The following MAPK12 variants were observed in gnomAD, a reference collection of about 807,000 sequenced individuals.
The protein encoded by MAPK12 is MAP kinase 12.
In MAPK12, 49 loss-of-function variants were observed where a neutral mutation model predicts 49.1. The ratio of observed to expected loss-of-function variants is 1.00; its 90% CI spans 0.79 to 1.27. The LOEUF is 1.27. MAPK12 is among the 50% of genes most tolerant of loss of function. The probability of loss-of-function intolerance (pLI) is 0.00; values close to 1 mark genes in which losing one functional copy is unlikely to be tolerated. For synonymous variants in MAPK12, 251 were observed against 209.7 expected, an observed-to-expected ratio of 1.20 and a Z score of -1.70; for missense variants, 554 against 502.4, an observed-to-expected ratio of 1.10 and a Z score of -0.98.
In MAPK12 at chr22:50,261,167, G is replaced by C. The variant is rs776817643; in HGVS notation, c.255C>G (p.Asn85Lys). 2.1e-5 allele frequency: 34 copies of C among 1,584,570 alleles called. 1 individual carries two copies. In the South Asian group the frequency reaches 3.8e-4, roughly 18 times the overall value. Residue 85 changes from asparagine (N) to lysine (K), a missense_variant and splice_region_variant, in exon 2 of 12, where the codon AAC (asparagine) becomes AAG (lysine). Asn to Lys is a moderately conservative substitution (Grantham distance 94). Transcript: ENST00000215659. ...LRLLKHMRHE[N>K]VIGLLDVFTP... ...CCCGGAGCGGGGCCGCGCGACTCAC[G>C]TTCTCGTGGCGCATGTGCTTGAGCA...
intron 7 of MAPK12, 83 bp downstream of exon 7, chr22:50,256,002 C>T: frequency 6.7e-7 from 1 of 1,501,612 alleles, no homozygotes; most frequent in Admixed American, 1.8e-5. Context: ...TCCCTGGGAG[C>T]AGCCACCACA....
In MAPK12 at chr22:50,259,681, G is replaced by A. The variant is rs182956062; in HGVS notation, c.256-1380C>T. Among the ~76,000 whole-genome samples the A allele has an allele frequency of 7.0e-4, 106 of 152,158 alleles. 2 individuals are homozygous for A. In the East Asian group the frequency reaches 9.1e-3, roughly 13 times the overall value. Reference sequence around the variant, plus strand: ...GCAGATCACTTGAGGTCAGGGGTTCGAGACCAGTCTGCCCAACATAGTGAA... The same window carrying A: ...GCAGATCACTTGAGGTCAGGGGTTCAAGACCAGTCTGCCCAACATAGTGAA... On this transcript the variant is annotated intron_variant, in intron 2 of 11. Transcript: ENST00000215659.
intron 9 of MAPK12, 36 bp downstream of exon 9, chr22:50,255,579 C>CCG: frequency 7.1e-7 from 1 of 1,408,084 alleles, no homozygotes; most frequent in Non-Finnish European, 9.9e-7. Context: ...CCCAGGTCCG[C>CCG]CCCCACCCCC....
At chr22:50,253,951 T>G in intron 11 of MAPK12, 1 of 166,842 alleles carries the variant, frequency 6.0e-6, no homozygotes, top group Non-Finnish European at 1.3e-5. Context: ...CCAGCCAGTG[T>G]GGAGGACCAA....
chr22:50,253,485 CG>C lies in MAPK12; in HGVS notation c.1025-6del. The C allele has an allele frequency of 1.1e-5, 1 of 94,148 alleles. No homozygotes were observed. The highest frequency in any genetic ancestry group is 1.5e-5 in the Non-Finnish European group (1 of 68,810). The allele number at this position is 94,148 out of a possible 1,614,324, so 5.8% of individuals were successfully genotyped here. On this transcript the variant is annotated splice_region_variant and splice_polypyrimidine_tract_variant and intron_variant, in intron 11 of 11. Transcript: ENST00000215659. Reference sequence around the variant, plus strand: ...GCACCTCTTTGTAAGTAACACCTGGCGGGGGTGGGGGGGCGGGCACAACAGA... The same window carrying C: ...GCACCTCTTTGTAAGTAACACCTGGCGGGGTGGGGGGGCGGGCACAACAGA...
At position 50,259,289 on chromosome 22, in the gene MAPK12, G is replaced by T. The variant is rs544979435; in HGVS notation, c.256-988C>A. ...GGGACTGTGGACATGAGAGCTGGAG[G>T]GTGCCCGGGAGAGTGCTTTAGCAGA... is the stretch of plus-strand genomic sequence containing the variant. On this transcript the variant is annotated intron_variant, in intron 2 of 11. Coordinates refer to ENST00000215659, the MANE Select transcript of MAPK12 (RefSeq NM_002969.6). Among the ~76,000 whole-genome samples, 3 of 152,114 alleles carry T rather than the reference G, an allele frequency of 2.0e-5. No individual in the cohort carries two copies. The South Asian group carries it at 6.2e-4, about 31-fold the overall frequency.
At chr22:50,257,259 G>C (rs2065160614) in intron 3 of MAPK12, 66 bp from the exon 4 acceptor site, 1 of 1,307,730 alleles carries the variant, frequency 7.6e-7, no homozygotes, top group African/African-American at 1.5e-5. Context: ...GACCCACCCA[G>C]CAGGCCCAGG....
Position 50,256,495 on chromosome 22 carries a change from G to A in MAPK12, c.504+104C>T. Reference sequence around the variant, plus strand: ...ACCAGCTCCTCAGCCACTGCCCAGAGCCTGGGACCTTGGCCCCCTGCCCAG... The same window carrying A: ...ACCAGCTCCTCAGCCACTGCCCAGAACCTGGGACCTTGGCCCCCTGCCCAG... On this transcript the variant is annotated intron_variant, in intron 6 of 11. Coordinates refer to ENST00000215659, the MANE Select transcript of MAPK12 (RefSeq NM_002969.6). The A allele has an allele frequency of 2.8e-6, 4 of 1,446,084 alleles. No individual in the cohort carries two copies. The East Asian group carries it at 6.9e-5, about 25-fold the overall frequency. 89.6% of individuals were successfully genotyped at this position (1,446,084 alleles called of 1,614,324 possible). A position where few individuals can be genotyped will look rare whatever the true frequency, so the allele number is the denominator to read the frequency against.
In MAPK12 at chr22:50,255,489, CCTT is replaced by C. The variant is rs756453855; in HGVS notation, c.811_813del (p.Lys271del). 73 of 1,613,062 alleles carry C rather than the reference CCTT, an allele frequency of 4.5e-5. 2 individuals are homozygous for C. In the South Asian group the frequency reaches 6.7e-4, roughly 15 times the overall value. ...GCATTGGTCAGGATAGAGGCAAAAT[CCTT>C]CTTCTCCAATTCGGGGAGGCCCTTC... On this transcript the variant is annotated inframe_deletion, in exon 10 of 12. Transcript: ENST00000215659.
chr22:50,255,124 CA>C (rs923459594), intron 11 of MAPK12, 72 bp downstream of exon 11: 2 of 1,517,766 alleles, frequency 1.3e-6, no homozygotes, highest in African/African-American at 3.1e-5. Context: ...CCCCAACTCA[CA>C]GGTCCACACA....
At chr22:50,260,523 G>C (rs768917954) in intron 2 of MAPK12, among the ~76,000 whole-genome samples, 1 of 152,272 alleles carries the variant, frequency 6.6e-6, no homozygotes, top group East Asian at 1.9e-4. Flanking sequence ...AGCTGTACGT[G>C]GCATCTCACT....
intron 6 of MAPK12, 92 bp from the exon 7 acceptor site, chr22:50,256,291 GAAGCTCCC>G (rs2065149869): frequency 3.2e-5 from 31 of 983,454 alleles, no homozygotes; most frequent in Non-Finnish European, 4.7e-5. Context: ...GGTTGGACTT[GAAGCTCCC>G]AAGCTGGGGC....
chr22:50,253,499 C>CGG lies in MAPK12; in HGVS notation c.1025-21_1025-20dup. 3.0e-6 allele frequency: 2 copies of CGG among 660,030 alleles called. No homozygotes were observed. The highest frequency in any genetic ancestry group is 4.1e-6 in the Non-Finnish European group (2 of 486,418). The allele number at this position is 660,030 out of a possible 1,614,324, so 40.9% of individuals were successfully genotyped here. A position where few individuals can be genotyped will look rare whatever the true frequency, so the allele number is the denominator to read the frequency against. On this transcript the variant is annotated intron_variant, in intron 11 of 11. Transcript: ENST00000215659. ...GTAACACCTGGCGGGGGTGGGGGGGCGGGCACAACAGAGAGGGGGGTCAGC... is the reference window on the plus strand; with the variant it reads ...GTAACACCTGGCGGGGGTGGGGGGGCGGGGGCACAACAGAGAGGGGGGTCAGC...
chr22:50,256,049 A>G lies in MAPK12; in HGVS notation c.619+36T>C, dbSNP rs1160346961. On this transcript the variant is annotated intron_variant, in intron 7 of 11. Transcript: ENST00000215659. Reference sequence around the variant, plus strand: ...GAAGAAGTGGAGAAGCAGATGGTGCAGCCTGAGAGGCCCAGATCTCTGGGC... The same window carrying G: ...GAAGAAGTGGAGAAGCAGATGGTGCGGCCTGAGAGGCCCAGATCTCTGGGC... 6.3e-6 allele frequency: 10 copies of G among 1,581,080 alleles called. No homozygotes were observed. The South Asian group carries it at 9.0e-5, about 14-fold the overall frequency.
intron 3 of MAPK12, 63 bp from the exon 4 acceptor site, chr22:50,257,256 C>A: frequency 2.3e-6 from 3 of 1,332,660 alleles, no homozygotes; most frequent in Admixed American, 3.5e-5. Flanking sequence ...AGAGACCCAC[C>A]CAGCAGGCCC....
intron 6 of MAPK12, 128 bp from the exon 7 acceptor site, chr22:50,256,327 G>A (rs2065150197): frequency 1.3e-6 from 1 of 770,908 alleles, no homozygotes; most frequent in African/African-American, 1.7e-5. Context: ...CAACCTTCAA[G>A]GACTTGAGGC....
chr22:50,255,583 C>CCCCCCCCCCCCCCACCCCCCCCCCCCCCT, intron 9 of MAPK12, 32 bp downstream of exon 9: 1 of 1,604,734 alleles, frequency 6.2e-7, no homozygotes, highest in East Asian at 2.2e-5. Context: ...GGTCCGCCCC[C>CCCCCCCCCCCCCCACCCCCCCCCCCCCCT]ACCCCCACCC....
chr22:50,261,179 C>A lies in MAPK12; in HGVS notation c.243G>T (p.Met81Ile), dbSNP rs1477889223. The A allele has an allele frequency of 1.9e-6, 3 of 1,591,130 alleles. No homozygotes were observed. Among genetic ancestry groups the A allele is most frequent in the African/African-American group, 2.7e-5 (2 of 73,180 alleles). Reference protein sequence around the residue: ...AYRELRLLKHMRHENVIGLLD... With the variant: ...AYRELRLLKHIRHENVIGLLD... ...CCGCGCGACTCACGTTCTCGTGGCG[C>A]ATGTGCTTGAGCAGGCGCAGCTCGC... Residue 81 changes from methionine (M) to isoleucine (I), a missense_variant, in exon 2 of 12, where the codon ATG (methionine) becomes ATT (isoleucine). Physicochemically the swap from Met to Ile is conservative, Grantham distance 10 (BLOSUM62 1). Transcript: ENST00000215659.
At chr22:50,254,273 T>A (rs1045132111) in intron 11 of MAPK12, 1 of 151,838 alleles carries the variant, frequency 6.6e-6, no homozygotes, top group African/African-American at 2.4e-5. Context: ...GAGTCTGGAC[T>A]GCTTAGCGGG....
Sources: allele counts gnomAD v4.1 joint callset (sites outside exome capture counted in the v4.1 genomes callset), GRCh38; gene constraint gnomAD v4.1.1; transcripts MANE v1.5; gene names NCBI Gene and HGNC (gene_info 2026-07-23, HGNC 2026-07-21).